The following RIT2 variants were observed in gnomAD, a reference collection of about 807,000 sequenced individuals.
RIT2 encodes the protein GTP-binding protein Rit2.
A neutral mutation model predicts 23.7 loss-of-function variants in RIT2; 24 were observed. The observed-to-expected ratio is 1.01, with a 90% confidence interval of 0.73 to 1.43. RIT2 has a LOEUF of 1.43. RIT2 is among the 40% of genes most tolerant of loss of function. RIT2 has a pLI of 0.00. For missense variants in RIT2, 236 were observed against 266.9 expected, an observed-to-expected ratio of 0.88 and a Z score of 0.81; for synonymous variants, 107 against 91.1, an observed-to-expected ratio of 1.17 and a Z score of -0.99.
intron 2 of RIT2, among the ~76,000 whole-genome samples, chr18:43,020,983 A>G (rs1397951391): frequency 6.6e-6 from 1 of 152,104 alleles, no homozygotes; most frequent in Admixed American, 6.6e-5. Flanking sequence ...CCGCAAAAGC[A>G]CAGACAACAA....
At chr18:43,068,485 T>C (rs942603530) in intron 1 of RIT2, among the ~76,000 whole-genome samples, 4 of 152,112 alleles carry the variant, frequency 2.6e-5, no homozygotes, top group African/African-American at 9.7e-5. Flanking sequence ...ATCATTTTAT[T>C]GGAAAATGAG....
Position 43,110,600 on chromosome 18 carries a change from G to C in RIT2, c.103+4817C>G, listed in dbSNP as rs139003690. ...TTTTTATTTTTTAGGGTGGGTGAGT[G>C]GCGGGCAGTGGAACAAAATGAGATA... is the stretch of plus-strand genomic sequence containing the variant. On this transcript the variant is annotated intron_variant, in intron 1 of 4. Coordinates refer to ENST00000326695, the MANE Select transcript of RIT2 (RefSeq NM_002930.4). Among the ~76,000 whole-genome samples, 1,507 of 152,200 alleles carry C rather than the reference G, an allele frequency of 9.9e-3. 10 individuals carry two copies. The highest frequency in any genetic ancestry group is 0.014 in the Admixed American group (217 of 15,272).
chr18:43,105,205 A>G (rs1335928674), intron 1 of RIT2, among the ~76,000 whole-genome samples: 1 of 151,498 alleles, frequency 6.6e-6, no homozygotes, highest in East Asian at 1.9e-4. Flanking sequence ...TACTAAGGTA[A>G]CTAGTAAACT....
intron 4 of RIT2, among the ~76,000 whole-genome samples, chr18:42,824,474 A>G (rs572460806): frequency 3.6e-4 from 55 of 152,172 alleles, no homozygotes; most frequent in African/African-American, 1.3e-3. Context: ...GACAATTGCA[A>G]CAGTATGCAC....
Position 43,070,824 on chromosome 18 carries a change from G to T in RIT2, c.104-36957C>A, listed in dbSNP as rs148687372. Among the ~76,000 whole-genome samples the T allele has an allele frequency of 1.9e-4, 29 of 152,234 alleles. 2 individuals are homozygous for T. The East Asian group carries it at 5.6e-3, about 29-fold the overall frequency. On this transcript the variant is annotated intron_variant, in intron 1 of 4. Transcript: ENST00000326695. Reference sequence around the variant, plus strand: ...CCAGTCAGTTAAATGTCTGCCCATAGATTCAGGTATTGCTATAACAGTCCA... The same window carrying T: ...CCAGTCAGTTAAATGTCTGCCCATATATTCAGGTATTGCTATAACAGTCCA...
intron 4 of RIT2, among the ~76,000 whole-genome samples, chr18:42,890,407 A>C (rs1369002858): frequency 6.6e-6 from 1 of 151,940 alleles, no homozygotes; most frequent in African/African-American, 2.4e-5. Flanking sequence ...TATCTACTAC[A>C]CAGCTTAAAC....
chr18:43,027,528 C>CA (rs1911761609), intron 2 of RIT2, among the ~76,000 whole-genome samples: 3 of 151,816 alleles, frequency 2.0e-5, no homozygotes. Flanking sequence ...AGTATGGACT[C>CA]AGAGTGGTGG....
At chr18:43,090,455 G>C (rs969090956) in intron 1 of RIT2, among the ~76,000 whole-genome samples, 3 of 152,152 alleles carry the variant, frequency 2.0e-5, no homozygotes, top group African/African-American at 7.2e-5. Context: ...GTGGAAGACA[G>C]TGTGGCAATT....
intron 2 of RIT2, among the ~76,000 whole-genome samples, chr18:42,984,511 G>A (rs555147185): frequency 4.6e-5 from 7 of 151,940 alleles, no homozygotes; most frequent in South Asian, 2.1e-4. Context: ...GTGACACTTC[G>A]TTACAATTTT....
At chr18:42,869,531 T>C (rs1340846126) in intron 4 of RIT2, among the ~76,000 whole-genome samples, 2 of 152,238 alleles carry the variant, frequency 1.3e-5, no homozygotes, top group Non-Finnish European at 2.9e-5. Flanking sequence ...ACTGTTTCTC[T>C]TTATATGGTC....
chr18:42,876,085 CAGTT>C (rs1907736530), intron 4 of RIT2, among the ~76,000 whole-genome samples: 1 of 151,912 alleles, frequency 6.6e-6, no homozygotes, highest in Non-Finnish European at 1.5e-5. Context: ...ATTCATTATT[CAGTT>C]AGTCACTGAA....
At chr18:42,904,156 A>ACATC (rs1908551023) in intron 4 of RIT2, among the ~76,000 whole-genome samples, 1 of 152,184 alleles carries the variant, frequency 6.6e-6, no homozygotes, top group South Asian at 2.1e-4. Flanking sequence ...TTGATCAAGT[A>ACATC]GATTTACATA....
chr18:42,971,097 T>C (rs1910351927), intron 3 of RIT2, among the ~76,000 whole-genome samples: 2 of 152,016 alleles, frequency 1.3e-5, no homozygotes, highest in Non-Finnish European at 2.9e-5. Context: ...ATAGCTTTTC[T>C]GTCTACTTCC....
chr18:42,920,760 G>A (rs761687465), intron 4 of RIT2: 2 of 1,591,844 alleles, frequency 1.3e-6, no homozygotes, highest in Admixed American at 1.7e-5. Flanking sequence ...TTCAGTGTAG[G>A]CTGATAAGGA....
chr18:42,914,485 A>G (rs529378752), intron 4 of RIT2, among the ~76,000 whole-genome samples: 14 of 152,280 alleles, frequency 9.2e-5, no homozygotes, highest in Admixed American at 9.2e-4. Flanking sequence ...GATAACAAAA[A>G]CTTGGATATA....
At chr18:43,063,347 C>T (rs1333723888) in intron 1 of RIT2, among the ~76,000 whole-genome samples, 1 of 152,120 alleles carries the variant, frequency 6.6e-6, no homozygotes, top group Admixed American at 6.5e-5. Flanking sequence ...CCAATATTGA[C>T]TAACTTACTT....
chr18:42,983,001 G>A (rs1332180663), intron 2 of RIT2, among the ~76,000 whole-genome samples: 3 of 151,822 alleles, frequency 2.0e-5, no homozygotes, highest in East Asian at 1.9e-4. Flanking sequence ...AAAAAGGAAA[G>A]GATTTGGAAT....
At chr18:42,949,487 G>A (rs1442209765) in intron 3 of RIT2, among the ~76,000 whole-genome samples, 1 of 152,148 alleles carries the variant, frequency 6.6e-6, no homozygotes, top group African/African-American at 2.4e-5. Flanking sequence ...GGTGATGCCA[G>A]TCTGTGGTTA....
chr18:42,984,310 T>C (rs1910661394), intron 2 of RIT2, among the ~76,000 whole-genome samples: 1 of 152,066 alleles, frequency 6.6e-6, no homozygotes, highest in Admixed American at 6.6e-5. Context: ...AGCCAATCTT[T>C]ATTGGTTACA....
Sources: gnomAD v4.1 joint callset for allele counts (sites outside exome capture counted in the v4.1 genomes callset) on GRCh38, gnomAD v4.1.1 for gene constraint, MANE v1.5 for transcripts, NCBI Gene and HGNC (gene_info 2026-07-23, HGNC 2026-07-21) for gene names.